The following ADAMTS12 variants were observed in gnomAD, a reference collection of about 807,000 sequenced individuals.
The protein encoded by ADAMTS12 is ADAM metallopeptidase with thrombospondin type 1 motif 12.
ADAMTS12 carries 118 observed loss-of-function variants against 167.8 expected under a neutral mutation model. The observed-to-expected ratio is 0.70, with a 90% CI of 0.61 to 0.82. ADAMTS12 has a LOEUF of 0.82. ADAMTS12 is among the 40% of genes least tolerant of loss of function. ADAMTS12 has a pLI of 0.00. For synonymous variants in ADAMTS12, 704 were observed against 716.9 expected, an observed-to-expected ratio of 0.98 and a Z score of 0.29; for missense variants, 1,916 against 1,998.8, an observed-to-expected ratio of 0.96 and a Z score of 0.79.
chr5:33,726,039 A>G (rs2112343923), intron 3 of ADAMTS12, among the ~76,000 whole-genome samples: 1 of 152,338 alleles, frequency 6.6e-6, no homozygotes, highest in Non-Finnish European at 1.5e-5. Context: ...TTTGCTCCAG[A>G]CCACACAGCT....
At chr5:33,804,884 T>C (rs1193790108) in intron 2 of ADAMTS12, among the ~76,000 whole-genome samples, 1 of 151,960 alleles carries the variant, frequency 6.6e-6, no homozygotes, top group Admixed American at 6.6e-5. Context: ...CAAGAAATCA[T>C]AGTAAGAAAA....
At chr5:33,624,124 C>T in intron 14 of ADAMTS12, 107 bp downstream of exon 14, 1 of 1,499,548 alleles carries the variant, frequency 6.7e-7, no homozygotes, top group Non-Finnish European at 9.0e-7. Context: ...CTTTGAAAAT[C>T]ACAGACTGTT....
chr5:33,763,138 TC>T (rs1745414398), intron 2 of ADAMTS12, among the ~76,000 whole-genome samples: 4 of 152,180 alleles, frequency 2.6e-5, no homozygotes, highest in African/African-American at 9.6e-5. Context: ...CTGAATATAG[TC>T]CCCCAAAGCT....
intron 14 of ADAMTS12, 107 bp from the exon 15 acceptor site, chr5:33,616,179 G>A: frequency 1.4e-6 from 2 of 1,465,594 alleles, no homozygotes; most frequent in Non-Finnish European, 1.8e-6. Flanking sequence ...CCATCATTTA[G>A]TGACCTTGCT....
Position 33,891,476 on chromosome 5 carries a change from C to G in ADAMTS12, c.127+254G>C, listed in dbSNP as rs889324. The G allele has an allele frequency of 2.0e-5, 9 of 458,710 alleles. No homozygotes were observed. In the South Asian group the frequency reaches 4.9e-4, roughly 25 times the overall value. 28.4% of individuals were successfully genotyped at this position (458,710 alleles called of 1,614,324 possible). Reference sequence around the variant, plus strand: ...GTTACCAGCTACCTCTTGGGTCTTTCAAAGACTGCAGTGTCATCCCTGTAA... The same window carrying G: ...GTTACCAGCTACCTCTTGGGTCTTTGAAAGACTGCAGTGTCATCCCTGTAA... On this transcript the variant is annotated intron_variant, in intron 1 of 23. Transcript: ENST00000504830.
chr5:33,770,910 T>G (rs2112425201), intron 2 of ADAMTS12, among the ~76,000 whole-genome samples: 1 of 152,164 alleles, frequency 6.6e-6, no homozygotes, highest in East Asian at 1.9e-4. Flanking sequence ...ATTCTGATCT[T>G]GAACTTATGA....
chr5:33,621,377 G>A (rs1739319710), intron 14 of ADAMTS12, among the ~76,000 whole-genome samples: 1 of 147,654 alleles, frequency 6.8e-6, no homozygotes, highest in Non-Finnish European at 1.5e-5. Flanking sequence ...TCCAGCCTGG[G>A]TGACACAGCA....
intron 16 of ADAMTS12, among the ~76,000 whole-genome samples, chr5:33,603,072 C>T (rs1738266745): frequency 6.6e-6 from 1 of 152,118 alleles, no homozygotes; most frequent in Non-Finnish European, 1.5e-5. Flanking sequence ...GTTGTACCTA[C>T]AGGCCCCAAA....
chr5:33,791,734 C>T (rs372583581), intron 2 of ADAMTS12, among the ~76,000 whole-genome samples: 5 of 151,902 alleles, frequency 3.3e-5, no homozygotes, highest in East Asian at 3.9e-4. Flanking sequence ...TCCTTCCAAA[C>T]CACCCAATCA....
chr5:33,804,763 A>C (rs534540238), intron 2 of ADAMTS12, among the ~76,000 whole-genome samples: 1 of 152,362 alleles, frequency 6.6e-6, no homozygotes, highest in Non-Finnish European at 1.5e-5. Context: ...AGAATCATTC[A>C]GAAATTTCAA....
At chr5:33,677,300 CTAAG>C in intron 5 of ADAMTS12, among the ~76,000 whole-genome samples, 1 of 152,212 alleles carries the variant, frequency 6.6e-6, no homozygotes, top group African/African-American at 2.4e-5. Flanking sequence ...AGATACTATG[CTAAG>C]TATTACATGA....
intron 3 of ADAMTS12, among the ~76,000 whole-genome samples, chr5:33,749,944 G>T (rs920454602): frequency 2.6e-5 from 4 of 152,194 alleles, no homozygotes; most frequent in African/African-American, 4.8e-5. Context: ...GCCTACAGGA[G>T]TAAGTGTCCA....
At chr5:33,540,050 T>G (rs1006743058) in intron 22 of ADAMTS12, among the ~76,000 whole-genome samples, 4 of 152,242 alleles carry the variant, frequency 2.6e-5, no homozygotes, top group Admixed American at 2.6e-4. Flanking sequence ...TGCCCTTTCC[T>G]ATCCAAGGGA....
intron 2 of ADAMTS12, among the ~76,000 whole-genome samples, chr5:33,774,545 G>T (rs1324877764): frequency 6.6e-6 from 1 of 152,190 alleles, no homozygotes; most frequent in Non-Finnish European, 1.5e-5. Context: ...TTCTCTGGAG[G>T]ACTGTACTCT....
intron 23 of ADAMTS12, among the ~76,000 whole-genome samples, chr5:33,531,325 C>T (rs1163376343): frequency 6.6e-6 from 1 of 152,306 alleles, no homozygotes; most frequent in Non-Finnish European, 1.5e-5. Context: ...AATATGTGTG[C>T]TTGTAGCCCA....
At chr5:33,564,010 G>A (rs943505151) in intron 19 of ADAMTS12, among the ~76,000 whole-genome samples, 4 of 152,256 alleles carry the variant, frequency 2.6e-5, no homozygotes, top group Non-Finnish European at 4.4e-5. Flanking sequence ...CCTACTTACA[G>A]TGTTAGCTCA....
At chr5:33,736,333 G>C (rs1168630532) in intron 3 of ADAMTS12, among the ~76,000 whole-genome samples, 1 of 152,168 alleles carries the variant, frequency 6.6e-6, no homozygotes, top group East Asian at 1.9e-4. Context: ...AAAATGCTGA[G>C]ATTACAGGCG....
intron 7 of ADAMTS12, 144 bp downstream of exon 7, chr5:33,658,040 C>G: frequency 9.7e-7 from 1 of 1,027,114 alleles, no homozygotes; most frequent in South Asian, 1.6e-5. Context: ...CAGATGAAAG[C>G]AGAGGTTGAG....
chr5:33,676,703 C>CACAT (rs1741920523), intron 5 of ADAMTS12, among the ~76,000 whole-genome samples: 1 of 149,798 alleles, frequency 6.7e-6, no homozygotes, highest in Non-Finnish European at 1.5e-5. Context: ...CACACACACA[C>CACAT]ACACAGAGAG....
Sources: allele counts gnomAD v4.1 joint callset (sites outside exome capture counted in the v4.1 genomes callset), GRCh38; gene constraint gnomAD v4.1.1; transcripts MANE v1.5; gene names NCBI Gene and HGNC (gene_info 2026-07-23, HGNC 2026-07-21).